The following FHIP1B variants were observed in gnomAD, a reference collection of about 807,000 sequenced individuals.
FHIP1B encodes the protein FHF complex subunit HOOK-interacting protein 1B.
FHIP1B carries 28 observed loss-of-function variants against 82.2 expected under a neutral mutation model. The observed-to-expected ratio is 0.34, with a 90% CI of 0.25 to 0.47. The LOEUF (loss-of-function observed/expected upper bound fraction) is 0.47. Among genes scored for constraint, FHIP1B ranks in the 20% least tolerant of loss-of-function variants. FHIP1B has a pLI of 1.00. For missense variants in FHIP1B, 1,110 were observed against 1,262.6 expected, an observed-to-expected ratio of 0.88 and a Z score of 1.83; for synonymous variants, 585 against 516.1, an observed-to-expected ratio of 1.13 and a Z score of -1.81.
In FHIP1B at chr11:6,224,007, C is replaced by T. The variant is rs141934541; in HGVS notation, c.380G>A (p.Arg127Gln). ...DELGDGVEER[R>Q]AEQLKLFEML... ...TTCAAATAGTTTCAGTTGCTCAGCCCGCCGTTCCTCGACCCCATCCCCAAG... is the reference window on the plus strand; with the variant it reads ...TTCAAATAGTTTCAGTTGCTCAGCCTGCCGTTCCTCGACCCCATCCCCAAG... Residue 127 changes from arginine (R) to glutamine (Q), a missense_variant, in exon 3 of 12, where the codon CGG (arginine) becomes CAG (glutamine). Coordinates refer to ENST00000449352, the MANE Select transcript of FHIP1B (RefSeq NM_001098794.2). 26 of 1,613,810 alleles carry T rather than the reference C, an allele frequency of 1.6e-5. No individual in the cohort carries two copies. The highest frequency in any genetic ancestry group is 6.7e-5 in the Admixed American group (4 of 59,986).
chr11:6,223,358 A>C lies in FHIP1B; in HGVS notation c.778-120T>G. 1 of 1,158,852 alleles carries C rather than the reference A, an allele frequency of 8.6e-7. No individual in the cohort carries two copies. Among genetic ancestry groups the C allele is most frequent in the East Asian group, 2.6e-5 (1 of 38,468 alleles). 71.8% of individuals were successfully genotyped at this position (1,158,852 alleles called of 1,614,324 possible). ...TAGGGGTATAAGCTATTACCAAAGCAAGCATTTGCCTACCCAATGTGCCTG... is the reference window on the plus strand; with the variant it reads ...TAGGGGTATAAGCTATTACCAAAGCCAGCATTTGCCTACCCAATGTGCCTG... On this transcript the variant is annotated intron_variant, in intron 3 of 11. Transcript: ENST00000449352. The surrounding 1 kb of genome is among the most constrained non-coding windows in gnomAD (Gnocchi z 4.8).
In FHIP1B at chr11:6,222,615, C is replaced by T; in HGVS notation, c.1024-6G>A. The T allele has an allele frequency of 6.2e-7, 1 of 1,613,460 alleles. No individual in the cohort carries two copies. The highest frequency in any genetic ancestry group is 2.2e-5 in the East Asian group (1 of 44,870). On this transcript the variant is annotated splice_region_variant and splice_polypyrimidine_tract_variant and intron_variant, in intron 5 of 11. Coordinates refer to ENST00000449352, the MANE Select transcript of FHIP1B (RefSeq NM_001098794.2). ...ATCATCTCCTCCACAGAGGTCTGCA[C>T]AAAAAGAAGGGAAAGTCTGGAAATG...
intron 1 of FHIP1B, among the ~76,000 whole-genome samples, chr11:6,234,203 C>A (rs761917347): frequency 6.6e-6 from 1 of 152,090 alleles, no homozygotes; most frequent in Non-Finnish European, 1.5e-5. Flanking sequence ...CCCGCAGGCT[C>A]CCACCTGCGC....
rs1847436320 is a variant in FHIP1B, at chr11:6,222,435, G to A, written c.1191+7C>T. ...CAGGTAAGCTAGGACAGGGGTAAGGGCCATACCCGGGAGTTACTGCCAATA... is the reference window on the plus strand; with the variant it reads ...CAGGTAAGCTAGGACAGGGGTAAGGACCATACCCGGGAGTTACTGCCAATA... On this transcript the variant is annotated splice_region_variant and intron_variant, in intron 6 of 11. Coordinates refer to ENST00000449352, the MANE Select transcript of FHIP1B (RefSeq NM_001098794.2). The A allele has an allele frequency of 1.9e-6, 3 of 1,613,546 alleles. No individual in the cohort carries two copies. The highest frequency in any genetic ancestry group is 1.7e-6 in the Non-Finnish European group (2 of 1,179,958).
intron 6 of FHIP1B, among the ~76,000 whole-genome samples, chr11:6,219,273 C>T (rs969724787): frequency 2.0e-5 from 3 of 152,228 alleles, no homozygotes; most frequent in African/African-American, 7.2e-5. Flanking sequence ...ACAAATGAAG[C>T]ATCTCAGACC....
chr11:6,217,498 T>C lies in FHIP1B; in HGVS notation c.2088A>G (p.Leu696=). 1 of 1,612,980 alleles carries C rather than the reference T, an allele frequency of 6.2e-7. No individual in the cohort carries two copies. Among genetic ancestry groups the C allele is most frequent in the Non-Finnish European group, 8.5e-7 (1 of 1,179,354 alleles). Residue 696 remains leucine, a synonymous_variant, in exon 9 of 12, where the codon TTA becomes TTG. Coordinates refer to ENST00000449352, the MANE Select transcript of FHIP1B (RefSeq NM_001098794.2). ...CCTCCTCAAGGGGCAGTGGAGGTTC[T>C]AAGGGGGACTCTGAGCCAGTTCCCC... The part of the protein sequence containing the change: ...SNGGTGSESP[L]EPPLPLEEEE...
intron 6 of FHIP1B, among the ~76,000 whole-genome samples, chr11:6,219,335 C>T (rs533656398): frequency 4.6e-5 from 7 of 152,314 alleles, no homozygotes; most frequent in Admixed American, 4.6e-4. Context: ...AGCAGAGACT[C>T]CAGCAACACT....
intron 1 of FHIP1B, among the ~76,000 whole-genome samples, chr11:6,232,284 G>T (rs1324660873): frequency 6.6e-6 from 1 of 152,102 alleles, no homozygotes; most frequent in African/African-American, 2.4e-5. Flanking sequence ...TCTAATATTT[G>T]ATTTGATTCA....
intron 11 of FHIP1B, 97 bp from the exon 12 acceptor site, chr11:6,211,964 C>G (rs1847086248): frequency 1.4e-6 from 2 of 1,468,600 alleles, no homozygotes; most frequent in Non-Finnish European, 1.8e-6. Flanking sequence ...TCTTGGACTT[C>G]TCCTTTAGGG....
chr11:6,224,565 T>G lies in FHIP1B; in HGVS notation c.-49A>C. The G allele has an allele frequency of 6.5e-7, 1 of 1,543,964 alleles. No individual in the cohort carries two copies. The highest frequency in any genetic ancestry group is 8.7e-7 in the Non-Finnish European group (1 of 1,150,352). On this transcript the variant is annotated 5_prime_UTR_variant, in exon 2 of 12. Transcript: ENST00000449352. ...AGCCAGAGGCCTACACTCTGAGGAT[T>G]TGCCAGCTGGAGGTTTTCTCCACTT...
rs201971513 is a variant in FHIP1B, at chr11:6,217,738, C to T, written c.1848G>A (p.Arg616=). ...CCCCTGCACCCCCAGCCCGCCCCCTCCTCCCCAGCTCTTCCTCCTCCCCTT... is the reference window on the plus strand; with the variant it reads ...CCCCTGCACCCCCAGCCCGCCCCCTTCTCCCCAGCTCTTCCTCCTCCCCTT... ...VGEGEEEELG[R]RGRAGGAGEG... is the part of the protein sequence containing the mutation. Residue 616 remains arginine, a synonymous_variant, in exon 9 of 12, where the codon AGG becomes AGA. Coordinates refer to ENST00000449352, the MANE Select transcript of FHIP1B (RefSeq NM_001098794.2). 7 of 1,599,260 alleles carry T rather than the reference C, an allele frequency of 4.4e-6. No homozygotes were observed. Among genetic ancestry groups the T allele is most frequent in the South Asian group, 1.1e-5 (1 of 90,018 alleles).
intron 1 of FHIP1B, among the ~76,000 whole-genome samples, chr11:6,229,143 T>C: frequency 6.6e-6 from 1 of 152,320 alleles, no homozygotes; most frequent in South Asian, 2.1e-4. Flanking sequence ...TTTTAAAGAC[T>C]GAAAACAAAG....
intron 1 of FHIP1B, among the ~76,000 whole-genome samples, chr11:6,230,122 C>T (rs1017574815): frequency 6.6e-6 from 1 of 152,140 alleles, no homozygotes; most frequent in African/African-American, 2.4e-5. Context: ...TACAGCCTTA[C>T]AGCCACACAC....
In FHIP1B at chr11:6,219,034, A is replaced by G. The variant is rs758549581; in HGVS notation, c.1208T>C (p.Leu403Pro). 1 of 1,611,610 alleles carries G rather than the reference A, an allele frequency of 6.2e-7. No homozygotes were observed. Among genetic ancestry groups the G allele is most frequent in the Admixed American group, 1.7e-5 (1 of 59,960 alleles). Residue 403 changes from leucine (L) to proline (P), a missense_variant, in exon 7 of 12, where the codon CTG becomes CCG. Coordinates refer to ENST00000449352, the MANE Select transcript of FHIP1B (RefSeq NM_001098794.2). ...GSNSRLCMVS[L>P]SLFRTLLNLS... Reference sequence around the variant, plus strand: ...GTTCAGGAGGGTCCTGAAGAGACTCAGAGAGACCATGCAGAGCTGGGGGGG... The same window carrying G: ...GTTCAGGAGGGTCCTGAAGAGACTCGGAGAGACCATGCAGAGCTGGGGGGG...
intron 1 of FHIP1B, among the ~76,000 whole-genome samples, chr11:6,228,475 G>A (rs1440409729): frequency 6.6e-6 from 1 of 152,176 alleles, no homozygotes; most frequent in Non-Finnish European, 1.5e-5. Context: ...GTAGTCTGAA[G>A]AAAGTGACAA....
intron 7 of FHIP1B, 44 bp from the exon 8 acceptor site, chr11:6,218,807 G>C (rs1382819432): frequency 1.2e-6 from 2 of 1,605,978 alleles, no homozygotes; most frequent in Non-Finnish European, 1.7e-6. Flanking sequence ...GATCAGGAAG[G>C]AAGGACAGGG....
intron 6 of FHIP1B, among the ~76,000 whole-genome samples, chr11:6,220,401 C>T (rs1847374138): frequency 6.6e-6 from 1 of 152,138 alleles, no homozygotes; most frequent in African/African-American, 2.4e-5. Context: ...TGGCGAGATC[C>T]AGGTCATACA....
At position 6,214,895 on chromosome 11, in the gene FHIP1B, C is replaced by A; in HGVS notation, c.2232G>T (p.Val744=). 4 of 1,592,558 alleles carry A rather than the reference C, an allele frequency of 2.5e-6. No individual in the cohort carries two copies. Among genetic ancestry groups the A allele is most frequent in the South Asian group, 2.3e-5 (2 of 87,726 alleles). ...SQPFTGPFMA[V]LFAKLENMLQ... is the part of the protein sequence containing the mutation. The stretch of plus-strand genomic sequence containing the variant: ...GCATGTTCTCGAGTTTGGCAAAGAG[C>A]ACAGCCATGAAGGGGCCTGGGTTGG... The change falls in exon 10 of 12, where the codon GTG becomes GTT. Residue 744 remains valine (V), a synonymous_variant. Coordinates refer to ENST00000449352, the MANE Select transcript of FHIP1B (RefSeq NM_001098794.2).
chr11:6,221,658 T>C (rs988152996), intron 6 of FHIP1B, among the ~76,000 whole-genome samples: 2 of 152,150 alleles, frequency 1.3e-5, no homozygotes, highest in African/African-American at 2.4e-5. Flanking sequence ...TTGCATGCTG[T>C]TCCCCTTGCT....
Sources: allele counts gnomAD v4.1 joint callset (sites outside exome capture counted in the v4.1 genomes callset), GRCh38; gene constraint gnomAD v4.1.1; non-coding constraint Gnocchi (gnomAD v3.1); transcripts MANE v1.5; gene names NCBI Gene and HGNC (gene_info 2026-07-23, HGNC 2026-07-21).